The following ADAMTS6 variants were observed in gnomAD, a reference collection of about 807,000 sequenced individuals.
The protein encoded by ADAMTS6 is ADAM metallopeptidase with thrombospondin type 1 motif 6.
ADAMTS6 carries 23 observed loss-of-function variants against 144.3 expected under a neutral mutation model. That is an observed-to-expected ratio of 0.16 (90% CI 0.11 to 0.23). The LOEUF is 0.23. Ranked by LOEUF, ADAMTS6 falls within the 10% of genes least tolerant of loss-of-function variation. The pLI, the probability that ADAMTS6 is intolerant of heterozygous loss-of-function variation, is 1.00. For synonymous variants in ADAMTS6, 444 were observed against 457.5 expected, an observed-to-expected ratio of 0.97 and a Z score of 0.38; for missense variants, 999 against 1,379.6, an observed-to-expected ratio of 0.72 and a Z score of 4.37.
In ADAMTS6 at chr5:65,262,986, A is replaced by G. The variant is rs200453732; in HGVS notation, c.1621-24T>C. ...CACTGCAAGATTTCACAGAAAACAC[A>G]GAATTAGCTTTTAGGCAGATAGAGC... On this transcript the variant is annotated intron_variant, in intron 12 of 24. Transcript: ENST00000381055. 1.2e-4 allele frequency: 186 copies of G among 1,613,568 alleles called. No individual in the cohort carries two copies. In the South Asian group the frequency reaches 1.6e-3, roughly 14 times the overall value.
At chr5:65,325,533 A>G (rs1340649498) in intron 9 of ADAMTS6, among the ~76,000 whole-genome samples, 1 of 150,342 alleles carries the variant, frequency 6.7e-6, no homozygotes, top group African/African-American at 2.5e-5. Flanking sequence ...CCTGTCACCC[A>G]GAATGGAGTG....
intron 8 of ADAMTS6, 114 bp from the exon 9 acceptor site, chr5:65,329,597 G>T: frequency 1.2e-6 from 1 of 815,018 alleles, no homozygotes; most frequent in Non-Finnish European, 1.8e-6. Context: ...AGAAGGAGCC[G>T]TTGGCAAAAG....
chr5:65,281,412 T>G (rs941080302), intron 11 of ADAMTS6, among the ~76,000 whole-genome samples: 1 of 152,140 alleles, frequency 6.6e-6, no homozygotes, highest in African/African-American at 2.4e-5. Context: ...ATCTCCAAAT[T>G]ATAACTATTA....
At chr5:65,230,955 A>C (rs1434137196) in intron 15 of ADAMTS6, among the ~76,000 whole-genome samples, 1 of 149,228 alleles carries the variant, frequency 6.7e-6, no homozygotes, top group Non-Finnish European at 1.5e-5. Flanking sequence ...AAAGGAAGAC[A>C]GCAAAGAAAA....
In ADAMTS6 at chr5:65,214,317, C is replaced by G. The variant is rs1250091875; in HGVS notation, c.2575+477G>C. ...TTATTGTAGCATCCCAGTATACAGC[C>G]CCTTAACTTTGATGGCAGGAGAAGG... On this transcript the variant is annotated intron_variant, in intron 20 of 24. Transcript: ENST00000381055. The surrounding 1 kb of genome is among the most constrained non-coding windows in gnomAD (Gnocchi z 4.6). 1 of 312,182 alleles carries G rather than the reference C, an allele frequency of 3.2e-6. No individual in the cohort carries two copies. The highest frequency in any genetic ancestry group is 2.2e-5 in the African/African-American group (1 of 45,924). 19.3% of individuals were successfully genotyped at this position (312,182 alleles called of 1,614,324 possible). A position where few individuals can be genotyped will look rare whatever the true frequency, so the allele number is the denominator to read the frequency against.
At chr5:65,276,883 G>C (rs1157663848) in intron 11 of ADAMTS6, among the ~76,000 whole-genome samples, 2 of 152,192 alleles carry the variant, frequency 1.3e-5, no homozygotes, top group Admixed American at 1.3e-4. Context: ...CACCAGCTTA[G>C]CTCTAGCTCT....
intron 9 of ADAMTS6, 23 bp from the exon 10 acceptor site, chr5:65,300,154 T>C: frequency 1.3e-6 from 2 of 1,599,164 alleles, no homozygotes; most frequent in African/African-American, 1.4e-5. Flanking sequence ...GGAAGAAACA[T>C]AGAATAAATA....
At chr5:65,286,860 T>C (rs943400559) in intron 11 of ADAMTS6, among the ~76,000 whole-genome samples, 3 of 152,250 alleles carry the variant, frequency 2.0e-5, no homozygotes, top group Non-Finnish European at 4.4e-5. Context: ...CTTATTGTTA[T>C]TACTGCAGTA....
At chr5:65,242,393 A>G (rs939801255) in intron 14 of ADAMTS6, among the ~76,000 whole-genome samples, 187 bp from the exon 15 acceptor site, 1 of 152,214 alleles carries the variant, frequency 6.6e-6, no homozygotes. Flanking sequence ...TCTTAACTAT[A>G]GAAGATATAA....
chr5:65,276,048 T>C (rs1341728405), intron 11 of ADAMTS6, among the ~76,000 whole-genome samples: 1 of 152,134 alleles, frequency 6.6e-6, no homozygotes, highest in Non-Finnish European at 1.5e-5. Flanking sequence ...AGACGATACT[T>C]ATTGCATCTA....
rs1446098317 is a variant in ADAMTS6 at position 65,214,639 on chromosome 5, T to A, written c.2575+155A>T. The A allele has an allele frequency of 9.7e-7, 1 of 1,031,362 alleles. No individual in the cohort carries two copies. Among genetic ancestry groups the A allele is most frequent in the Admixed American group, 2.2e-5 (1 of 46,446 alleles). 63.9% of individuals were successfully genotyped at this position (1,031,362 alleles called of 1,614,324 possible). A position where few individuals can be genotyped will look rare whatever the true frequency, so the allele number is the denominator to read the frequency against. ...GGTTGAAAACAAATGGAATATAATA[T>A]AATTAAAGCAAAGTTTCTTTTGCTA... On this transcript the variant is annotated intron_variant, in intron 20 of 24. Coordinates refer to ENST00000381055, the MANE Select transcript of ADAMTS6 (RefSeq NM_197941.4). This position sits in a 1 kb window ranked among gnomAD's most constrained non-coding sequence, Gnocchi z 4.6.
rs201980447 is a variant in ADAMTS6 at position 65,291,292 on chromosome 5, G to A, written c.1512+37C>T. 185 of 1,588,654 alleles carry A rather than the reference G, an allele frequency of 1.2e-4. No homozygotes were observed. In the African/African-American group the frequency reaches 2.1e-3, roughly 18 times the overall value. ...TAACATCTGTGTCATGGAAGAACACGTATAAATGACGAAACATAAGGATGA... is the reference window on the plus strand; with the variant it reads ...TAACATCTGTGTCATGGAAGAACACATATAAATGACGAAACATAAGGATGA... On this transcript the variant is annotated intron_variant, in intron 11 of 24. Coordinates refer to ENST00000381055, the MANE Select transcript of ADAMTS6 (RefSeq NM_197941.4).
chr5:65,369,275 G>C (rs1194604886), intron 7 of ADAMTS6, among the ~76,000 whole-genome samples: 1 of 152,066 alleles, frequency 6.6e-6, no homozygotes, highest in Non-Finnish European at 1.5e-5. Flanking sequence ...TGTATAAATT[G>C]GGTAAGTTTA....
rs184289163 is a variant in ADAMTS6, at chr5:65,227,848, C to A, written c.1934-1629G>T. Among the ~76,000 whole-genome samples the A allele has an allele frequency of 3.4e-4, 52 of 152,044 alleles. 3 individuals are homozygous for A. Among genetic ancestry groups the A allele is most frequent in the African/African-American group, 1.1e-3 (46 of 41,500 alleles). On this transcript the variant is annotated intron_variant, in intron 15 of 24. Coordinates refer to ENST00000381055, the MANE Select transcript of ADAMTS6 (RefSeq NM_197941.4). ...TAACAATTGATTCAAAGTTTTGTTA[C>A]AAAAAATACTGTGGGAGGCTAAAAT...
intron 7 of ADAMTS6, among the ~76,000 whole-genome samples, chr5:65,381,441 C>G (rs1240046273): frequency 6.6e-6 from 1 of 150,926 alleles, no homozygotes; most frequent in African/African-American, 2.4e-5. Flanking sequence ...TGGCTCACTG[C>G]AACCTCCACC....
chr5:65,242,019 G>T, intron 15 of ADAMTS6, 85 bp downstream of exon 15: 1 of 844,974 alleles, frequency 1.2e-6, no homozygotes, highest in Non-Finnish European at 1.8e-6. Context: ...GTACATGAAT[G>T]TATGCATGTG....
At position 65,151,638 on chromosome 5, in the gene ADAMTS6, G is replaced by A; in HGVS notation, c.*198C>T. 3.8e-6 allele frequency: 2 copies of A among 528,412 alleles called. No individual in the cohort carries two copies. Among genetic ancestry groups the A allele is most frequent in the Non-Finnish European group, 6.8e-6 (2 of 294,192 alleles). The allele number at this position is 528,412 out of a possible 1,614,324, so 32.7% of individuals were successfully genotyped here. On this transcript the variant is annotated 3_prime_UTR_variant, in exon 25 of 25. Transcript: ENST00000381055. ...GCATTCCCTCCTAATACCGTGTCCA[G>A]CACTTTGGATCAATAAATCCCACTT... is the stretch of plus-strand genomic sequence containing the variant.
At chr5:65,232,765 A>C (rs751879197) in intron 15 of ADAMTS6, among the ~76,000 whole-genome samples, 7 of 152,100 alleles carry the variant, frequency 4.6e-5, no homozygotes, top group Non-Finnish European at 7.4e-5. Context: ...ATTATACCAA[A>C]CATTTAAAGA....
chr5:65,183,734 G>C (rs541807159), intron 22 of ADAMTS6, among the ~76,000 whole-genome samples: 12 of 152,264 alleles, frequency 7.9e-5, no homozygotes, highest in African/African-American at 2.6e-4. Flanking sequence ...GTAATGTATA[G>C]ACATTAATTT....
Sources: gnomAD v4.1 joint callset for allele counts (sites outside exome capture counted in the v4.1 genomes callset) on GRCh38, gnomAD v4.1.1 for gene constraint, Gnocchi (gnomAD v3.1) non-coding constraint, MANE v1.5 for transcripts, NCBI Gene and HGNC (gene_info 2026-07-23, HGNC 2026-07-21) for gene names.